LURAP1L: variants seen among roughly 807,000 people sequenced by gnomAD.
The protein encoded by LURAP1L is leucine rich adaptor protein 1 like, also known as leucine rich adaptor protein 1-like.
LURAP1L carries 12 observed loss-of-function variants against 13.8 expected under a neutral mutation model. The observed-to-expected ratio is 0.87, with a 90% CI of 0.56 to 1.41. The LOEUF (loss-of-function observed/expected upper bound fraction) is 1.41, where lower values mean the gene tolerates loss of function less well. Ranked by LOEUF, LURAP1L falls within the 40% of genes most tolerant of loss-of-function variation. LURAP1L has a pLI of 0.00. For missense variants in LURAP1L, 375 were observed against 292.9 expected (o/e 1.28, Z -2.04); for synonymous variants, 139 against 119.2 (o/e 1.17, Z -1.08).
chr9:12,787,999 C>T (rs1369475126), intron 1 of LURAP1L, among the ~76,000 whole-genome samples: 1 of 151,902 alleles, frequency 6.6e-6, no homozygotes, highest in Non-Finnish European at 1.5e-5. Flanking sequence ...GTAATCTCAG[C>T]TACTCAGGAG....
At chr9:12,809,963 G>T (rs1819714255) in intron 1 of LURAP1L, among the ~76,000 whole-genome samples, 3 of 152,138 alleles carry the variant, frequency 2.0e-5, no homozygotes, top group African/African-American at 7.2e-5. Context: ...CAAGGTGTGG[G>T]AGAAGAGGAA....
intron 1 of LURAP1L, among the ~76,000 whole-genome samples, chr9:12,793,115 T>A (rs962237381): frequency 7.9e-5 from 12 of 152,040 alleles, no homozygotes; most frequent in Non-Finnish European, 1.6e-4. Flanking sequence ...GGGGTCAAAC[T>A]TATAATGATT....
chr9:12,796,302 A>G (rs1819511044), intron 1 of LURAP1L, among the ~76,000 whole-genome samples: 1 of 152,054 alleles, frequency 6.6e-6, no homozygotes, highest in African/African-American at 2.4e-5. Flanking sequence ...ACACCATTGC[A>G]TTATCCAGAG....
chr9:12,814,708 T>C (rs1819781520), intron 1 of LURAP1L, among the ~76,000 whole-genome samples: 2 of 152,232 alleles, frequency 1.3e-5, no homozygotes, highest in African/African-American at 2.4e-5. Context: ...AGATACAGCT[T>C]TCTACTTTAT....
Position 12,807,020 on chromosome 9 carries a change from C to CAAAAAAA in LURAP1L, c.313-14347_313-14341dup, listed in dbSNP as rs71329888. ...TGGGCGACAGAGCCAGACTCCGTCT[C>CAAAAAAA]AAAAAAAAAAAAAAAAAAAAAAAAA... On this transcript the variant is annotated intron_variant, in intron 1 of 1. Transcript: ENST00000319264. Among the ~76,000 whole-genome samples, 10 of 21,884 alleles carry CAAAAAAA rather than the reference C, an allele frequency of 4.6e-4. 2 individuals are homozygous for CAAAAAAA. Among genetic ancestry groups the CAAAAAAA allele is most frequent in the African/African-American group, 1.5e-3 (9 of 5,858 alleles). 14.4% of individuals were successfully genotyped at this position (21,884 alleles called of 152,430 possible). A position where few individuals can be genotyped will look rare whatever the true frequency, so the allele number is the denominator to read the frequency against.
chr9:12,787,328 A>G (rs1258873577), intron 1 of LURAP1L, among the ~76,000 whole-genome samples: 1 of 152,186 alleles, frequency 6.6e-6, no homozygotes. Context: ...CCATTTGTAT[A>G]GGTATATATA....
intron 1 of LURAP1L, among the ~76,000 whole-genome samples, chr9:12,789,947 A>C (rs1819417863): frequency 6.6e-6 from 1 of 152,334 alleles, no homozygotes; most frequent in East Asian, 1.9e-4. Context: ...TTGTGACGAC[A>C]AAATTGTATT....
intron 1 of LURAP1L, among the ~76,000 whole-genome samples, chr9:12,780,593 T>G (rs192342459): frequency 1.3e-5 from 2 of 152,288 alleles, no homozygotes; most frequent in East Asian, 3.9e-4. Context: ...AGCCTGGCTA[T>G]CTGCTTGATC....
At chr9:12,802,875 C>A (rs981146168) in intron 1 of LURAP1L, among the ~76,000 whole-genome samples, 1 of 152,146 alleles carries the variant, frequency 6.6e-6, no homozygotes, top group Admixed American at 6.5e-5. Context: ...TTTATTAGCA[C>A]AAAATGAACA....
At chr9:12,805,936 C>A (rs887204852) in intron 1 of LURAP1L, among the ~76,000 whole-genome samples, 1 of 151,814 alleles carries the variant, frequency 6.6e-6, no homozygotes, top group African/African-American at 2.4e-5. Flanking sequence ...TCAGGAGCGA[C>A]AATGAAACAA....
At chr9:12,777,907 A>T (rs1819214188) in intron 1 of LURAP1L, among the ~76,000 whole-genome samples, 1 of 152,180 alleles carries the variant, frequency 6.6e-6, no homozygotes, top group Non-Finnish European at 1.5e-5. Flanking sequence ...AATCACAATT[A>T]GTTTTTTTTT....
intron 1 of LURAP1L, among the ~76,000 whole-genome samples, chr9:12,789,811 G>C (rs997814009): frequency 6.6e-6 from 1 of 152,152 alleles, no homozygotes; most frequent in Non-Finnish European, 1.5e-5. Flanking sequence ...AAAAGAAATA[G>C]TCTTTGCCCA....
intron 1 of LURAP1L, 103 bp from the exon 2 acceptor site, chr9:12,821,283 T>C: frequency 7.7e-6 from 10 of 1,296,854 alleles, no homozygotes; most frequent in Non-Finnish European, 1.1e-5. Flanking sequence ...TTTTATTCTG[T>C]GAATTTAAAA....
chr9:12,785,279 C>CAGAA (rs1819333875), intron 1 of LURAP1L, among the ~76,000 whole-genome samples: 1 of 152,006 alleles, frequency 6.6e-6, no homozygotes, highest in South Asian at 2.1e-4. Flanking sequence ...TCTTTTCAAA[C>CAGAA]AGAAGGTGTC....
rs1554657446 is a variant in LURAP1L, at chr9:12,788,192, A to AAAG, written c.312+12167_312+12168insGAA. Among the ~76,000 whole-genome samples the AAAG allele has an allele frequency of 4.6e-3, 473 of 103,458 alleles. 5 individuals are homozygous for AAAG. Among genetic ancestry groups the AAAG allele is most frequent in the South Asian group, 0.037 (126 of 3,368 alleles). 67.9% of individuals were successfully genotyped at this position (103,458 alleles called of 152,430 possible). ...GAAAGAAAGAAAGAAAGAAAGAAAG[A>AAAG]AAAGAAAAGAAAAGAAAAGCTCAAT... On this transcript the variant is annotated intron_variant, in intron 1 of 1. Transcript: ENST00000319264.
intron 1 of LURAP1L, among the ~76,000 whole-genome samples, chr9:12,795,042 G>C (rs922033248): frequency 6.6e-6 from 1 of 151,830 alleles, no homozygotes; most frequent in African/African-American, 2.4e-5. Context: ...ATTTTGATAT[G>C]AAAGAAATTA....
intron 1 of LURAP1L, among the ~76,000 whole-genome samples, chr9:12,802,981 A>G (rs1819607757): frequency 6.6e-6 from 1 of 152,168 alleles, no homozygotes; most frequent in Non-Finnish European, 1.5e-5. Context: ...TGACTGACAG[A>G]TGTCTTCTTT....
At chr9:12,781,097 G>C (rs1039438688) in intron 1 of LURAP1L, among the ~76,000 whole-genome samples, 1 of 151,992 alleles carries the variant, frequency 6.6e-6, no homozygotes, top group Non-Finnish European at 1.5e-5. Flanking sequence ...TCAGCCTCCC[G>C]AGTAGCTGGG....
chr9:12,775,506 C>A lies in LURAP1L; in HGVS notation c.-210C>A. The A allele has an allele frequency of 1.6e-6, 1 of 619,452 alleles. No individual in the cohort carries two copies. The highest frequency in any genetic ancestry group is 2.5e-6 in the Non-Finnish European group (1 of 392,452). 38.4% of individuals were successfully genotyped at this position (619,452 alleles called of 1,614,324 possible). On this transcript the variant is annotated 5_prime_UTR_variant, in exon 1 of 2. It adds an upstream start codon to the 5' untranslated region. Transcript: ENST00000319264. ...TTAGTGTCGGAGGAGTCGCAGCGGACTGGGAACTGCAGCTGCGACCCCCCG... is the reference window on the plus strand; with the variant it reads ...TTAGTGTCGGAGGAGTCGCAGCGGAATGGGAACTGCAGCTGCGACCCCCCG...
Sources: allele counts gnomAD v4.1 joint callset (sites outside exome capture counted in the v4.1 genomes callset), GRCh38; gene constraint gnomAD v4.1.1; transcripts MANE v1.5; gene names NCBI Gene and HGNC (gene_info 2026-07-23, HGNC 2026-07-21).